The following RGS20 variants were observed in gnomAD, a reference collection of about 807,000 sequenced individuals.
The protein encoded by RGS20 is regulator of G protein signaling 20.
A neutral mutation model predicts 33.6 loss-of-function variants in RGS20; 30 were observed. The observed-to-expected ratio is 0.89, with a 90% CI of 0.67 to 1.21. The LOEUF is 1.21. Ranked by LOEUF, RGS20 falls within the 50% of genes most tolerant of loss-of-function variation. The pLI is 0.00. For synonymous variants in RGS20, 208 were observed against 197.9 expected (o/e 1.05, Z -0.43); for missense variants, 472 against 502.4 (o/e 0.94, Z 0.58).
chr8:53,938,342 A>T (rs750172863), intron 2 of RGS20, among the ~76,000 whole-genome samples: 24 of 152,216 alleles, frequency 1.6e-4, no homozygotes, highest in Non-Finnish European at 3.1e-4. Context: ...ATGAAAACAC[A>T]TGGACACAGG....
At chr8:53,880,786 C>T (rs1812341382) in intron 2 of RGS20, 86 bp from the exon 1 acceptor site, 4 of 1,245,494 alleles carry the variant, frequency 3.2e-6, no homozygotes, top group African/African-American at 3.2e-5. Flanking sequence ...CTAGCACCCG[C>T]GGCGGTGGAG....
chr8:53,890,456 T>C (rs1812682891), intron 2 of RGS20, among the ~76,000 whole-genome samples: 1 of 152,198 alleles, frequency 6.6e-6, no homozygotes, highest in Non-Finnish European at 1.5e-5. Context: ...TCTTCACATA[T>C]CTAGTAATTT....
chr8:53,938,600 T>C lies in RGS20; in HGVS notation c.511-976T>C, dbSNP rs376225591. 2.4e-4 allele frequency among the ~76,000 whole-genome samples: 36 copies of C among 152,318 alleles called. 1 individual carries two copies. The highest frequency in any genetic ancestry group is 8.2e-4 in the African/African-American group (34 of 41,580). On this transcript the variant is annotated intron_variant, in intron 2 of 5. Transcript: ENST00000297313. ...AAGTCCAGCAGTATAGAGAATTAGG[T>C]AATAATCAATAGGAACAGACAAATC... is the stretch of plus-strand genomic sequence containing the variant.
rs537839377 is a variant in RGS20 at position 53,932,568 on chromosome 8, T to A, written c.511-7008T>A. Among the ~76,000 whole-genome samples the A allele has an allele frequency of 2.0e-5, 3 of 152,336 alleles. No homozygotes were observed. In the East Asian group the frequency reaches 5.8e-4, roughly 29 times the overall value. On this transcript the variant is annotated intron_variant, in intron 2 of 5. Transcript: ENST00000297313. ...CTTAGCAAAGTCGCTGTAGCCAGAC[T>A]GTATCTCTAGATTCCTTCTCTCTGG...
chr8:53,946,461 C>T (rs1814480250), intron 3 of RGS20: 1 of 614,310 alleles, frequency 1.6e-6, no homozygotes, highest in East Asian at 2.9e-5. Context: ...ATAGTAGAAA[C>T]CACAACGTTT....
At chr8:53,864,518 G>C (rs542732392) in intron 1 of RGS20, among the ~76,000 whole-genome samples, 1 of 151,226 alleles carries the variant, frequency 6.6e-6, no homozygotes, top group African/African-American at 2.4e-5. Context: ...TTAGCCCTGT[G>C]CTGCCTCCCG....
chr8:53,868,653 A>AAT (rs56657753), intron 1 of RGS20, among the ~76,000 whole-genome samples: 3,193 of 149,736 alleles, frequency 0.021, 67 homozygotes, highest in African/African-American at 0.057. Context: ...TTCACTGGTA[A>AAT]ATATATATAT....
At chr8:53,882,500 A>G (rs1812420911) in intron 2 of RGS20, among the ~76,000 whole-genome samples, 1 of 152,188 alleles carries the variant, frequency 6.6e-6, no homozygotes, top group African/African-American at 2.4e-5. Context: ...CACGGAGTGG[A>G]GAAGTGAACG....
At chr8:53,921,965 T>C (rs1010016363) in intron 2 of RGS20, among the ~76,000 whole-genome samples, 1 of 152,192 alleles carries the variant, frequency 6.6e-6, no homozygotes, top group Non-Finnish European at 1.5e-5. Flanking sequence ...GAGAAGAATA[T>C]GTATTCCACT....
intron 1 of RGS20, among the ~76,000 whole-genome samples, chr8:53,854,387 A>G (rs1459617451): frequency 6.6e-6 from 1 of 152,228 alleles, no homozygotes; most frequent in Non-Finnish European, 1.5e-5. Flanking sequence ...GTAAAAGACA[A>G]ACAATCCAAC....
At chr8:53,875,866 G>A (rs1437780324) in intron 1 of RGS20, among the ~76,000 whole-genome samples, 1 of 152,216 alleles carries the variant, frequency 6.6e-6, no homozygotes, top group Non-Finnish European at 1.5e-5. Flanking sequence ...ATATTATGAA[G>A]AGTTGGGTTC....
intron 3 of RGS20, among the ~76,000 whole-genome samples, chr8:53,941,021 C>A (rs993820978): frequency 6.6e-5 from 10 of 152,282 alleles, no homozygotes; most frequent in African/African-American, 2.4e-4. Context: ...AGGTGAGACT[C>A]CAGCTGACGT....
intron 2 of RGS20, among the ~76,000 whole-genome samples, chr8:53,936,104 T>C (rs1433823161): frequency 6.6e-6 from 1 of 152,156 alleles, no homozygotes; most frequent in Admixed American, 6.5e-5. Flanking sequence ...TATCTCAAAA[T>C]AACAAGACCT....
intron 1 of RGS20, chr8:53,852,169 C>A (rs1811582036): frequency 9.3e-7 from 1 of 1,080,618 alleles, no homozygotes; most frequent in African/African-American, 1.6e-5. Flanking sequence ...GCTCACTTAT[C>A]TTAATGTTTT....
Position 53,929,726 on chromosome 8 carries a change from T to C in RGS20, c.511-9850T>C, listed in dbSNP as rs193207246. ...AGTTACCTTTGACTTCTAATGGCTATATTTGGTCCTAAGAAACCTTATGAT... is the reference window on the plus strand; with the variant it reads ...AGTTACCTTTGACTTCTAATGGCTACATTTGGTCCTAAGAAACCTTATGAT... On this transcript the variant is annotated intron_variant, in intron 2 of 5. Coordinates refer to ENST00000297313, the MANE Select transcript of RGS20 (RefSeq NM_170587.4). Among the ~76,000 whole-genome samples the C allele has an allele frequency of 7.5e-3, 1,150 of 152,318 alleles. 37 individuals are homozygous for C. The highest frequency in any genetic ancestry group is 0.054 in the Admixed American group (828 of 15,292).
chr8:53,857,124 T>C (rs1355326311), intron 1 of RGS20, among the ~76,000 whole-genome samples: 2 of 152,270 alleles, frequency 1.3e-5, no homozygotes. Context: ...CTTATTTTCC[T>C]GAAGGCGCTC....
In RGS20 at chr8:53,879,428, G is replaced by A. The variant is rs75833547; in HGVS notation, c.336G>A (p.Pro112=). 8,516 of 1,606,364 alleles carry A rather than the reference G, an allele frequency of 5.3e-3. 377 individuals carry two copies. The African/African-American group carries it at 0.097, about 18-fold the overall frequency. The change falls in exon 2 of 6, where the codon CCG becomes CCA. Residue 112 remains proline, a synonymous_variant. Coordinates refer to ENST00000297313, the MANE Select transcript of RGS20 (RefSeq NM_170587.4). ...TCTCCCCCCTGCTTCCCGCCCTGCC[G>A]GCCGCCCGGCTCTCGAGGGGGCACG...
At chr8:53,880,797 T>C in intron 2 of RGS20, 75 bp from the exon 1 acceptor site, 1 of 1,256,608 alleles carries the variant, frequency 8.0e-7, no homozygotes, top group Non-Finnish European at 1.0e-6. Flanking sequence ...GGCGGTGGAG[T>C]GCGCCGCCGC....
At position 53,899,528 on chromosome 8, in the gene RGS20, C is replaced by T. The variant is rs868552151; in HGVS notation, c.510+19926C>T. Among the ~76,000 whole-genome samples the T allele has an allele frequency of 6.6e-5, 10 of 152,326 alleles. No homozygotes were observed. In the South Asian group the frequency reaches 2.1e-3, roughly 32 times the overall value. Reference sequence around the variant, plus strand: ...GCAATTCATTTTAGAATATTTTCATCACTCCAAGAAGAGACCCAGCACCCC... The same window carrying T: ...GCAATTCATTTTAGAATATTTTCATTACTCCAAGAAGAGACCCAGCACCCC... On this transcript the variant is annotated intron_variant, in intron 2 of 5. Transcript: ENST00000297313.
Sources: gnomAD v4.1 joint callset for allele counts (sites outside exome capture counted in the v4.1 genomes callset) on GRCh38, gnomAD v4.1.1 for gene constraint, MANE v1.5 for transcripts, NCBI Gene and HGNC (gene_info 2026-07-23, HGNC 2026-07-21) for gene names.